The following PRR16 variants were observed in gnomAD, a reference collection of about 807,000 sequenced individuals.
PRR16 encodes the protein proline rich 16, also known as protein Largen.
PRR16 carries 6 observed loss-of-function variants against 18.2 expected under a neutral mutation model. The ratio of observed to expected loss-of-function variants is 0.33; its 90% CI spans 0.18 to 0.65. The LOEUF is 0.65. PRR16 is among the 30% of genes least tolerant of loss of function. PRR16 has a pLI of 0.74. For missense variants in PRR16, 412 were observed against 376.6 expected, an observed-to-expected ratio of 1.09 and a Z score of -0.78; for synonymous variants, 151 against 147.8, an observed-to-expected ratio of 1.02 and a Z score of -0.16.
At chr5:120,727,190 G>A in the PRR16 span, among the ~76,000 whole-genome samples, 2 of 151,980 alleles carry the variant, frequency 1.3e-5, no homozygotes, top group East Asian at 3.9e-4. Context: ...CTCAAGTTTT[G>A]TTTTTTCTTT....
chr5:120,711,670 C>T, the PRR16 span, among the ~76,000 whole-genome samples: 2 of 152,160 alleles, frequency 1.3e-5, no homozygotes, highest in African/African-American at 4.8e-5. Flanking sequence ...CTGAAGCTGC[C>T]TGAAGCTGTG....
At chr5:120,755,292 T>C in the PRR16 span, among the ~76,000 whole-genome samples, 1 of 152,100 alleles carries the variant, frequency 6.6e-6, no homozygotes, top group East Asian at 1.9e-4. Flanking sequence ...TGTGGATATA[T>C]TGCAAGATGC....
chr5:120,672,468 G>C lies in PRR16; in HGVS notation c.160-13486G>C, dbSNP rs573543333. 2.0e-5 allele frequency among the ~76,000 whole-genome samples: 3 copies of C among 150,084 alleles called. No homozygotes were observed. The East Asian group carries it at 6.0e-4, about 30-fold the overall frequency. ...CCTGGGAGTATTGTAGCTTTATTAA[G>C]TATTTCGTCTTTATCTTAAAAGCAA... On this transcript the variant is annotated intron_variant, in intron 1 of 1. Transcript: ENST00000407149.
intron 1 of PRR16, among the ~76,000 whole-genome samples, chr5:120,683,213 C>G (rs1353487927): frequency 6.6e-6 from 1 of 152,088 alleles, no homozygotes; most frequent in African/African-American, 2.4e-5. Context: ...ATTTTGTGAG[C>G]TGGTTGGTTG....
chr5:120,683,388 G>A (rs566241835), intron 1 of PRR16, among the ~76,000 whole-genome samples: 3 of 151,622 alleles, frequency 2.0e-5, no homozygotes, highest in East Asian at 3.9e-4. Flanking sequence ...TGTAATCCCA[G>A]CTACTTGGGA....
chr5:120,687,184 A>G lies in PRR16; in HGVS notation c.*475A>G, dbSNP rs1267437238. The stretch of plus-strand genomic sequence containing the variant: ...TTTTTCATTATTAAATGCTGAGGCC[A>G]ATACCAAGAAGTTTATTTTCTATAT... On this transcript the variant is annotated 3_prime_UTR_variant, in exon 2 of 2. Transcript: ENST00000407149. 1 of 152,608 alleles carries G rather than the reference A, an allele frequency of 6.6e-6. No homozygotes were observed. The highest frequency in any genetic ancestry group is 1.9e-4 in the East Asian group (1 of 5,200). The allele number at this position is 152,608 out of a possible 1,614,324, so 9.5% of individuals were successfully genotyped here. A position where few individuals can be genotyped will look rare whatever the true frequency, so the allele number is the denominator to read the frequency against.
chr5:120,540,966 C>T (rs1020733430), intron 1 of PRR16, among the ~76,000 whole-genome samples: 31 of 152,172 alleles, frequency 2.0e-4, no homozygotes, highest in Non-Finnish European at 4.1e-4. Flanking sequence ...TGGAACAGTG[C>T]CATGAGCATG....
chr5:120,712,711 G>T, the PRR16 span, among the ~76,000 whole-genome samples: 6 of 151,972 alleles, frequency 3.9e-5, no homozygotes, highest in African/African-American at 1.2e-4. Context: ...TATATGAAAA[G>T]GTGCTCAACA....
the PRR16 span, among the ~76,000 whole-genome samples, chr5:120,700,041 G>C: frequency 3.9e-5 from 6 of 152,092 alleles, no homozygotes; most frequent in African/African-American, 1.2e-4. Context: ...TGGGATGAAG[G>C]GTACAAAGCA....
chr5:120,617,225 A>G (rs1395412441), intron 1 of PRR16: 23 of 943,138 alleles, frequency 2.4e-5, no homozygotes, highest in South Asian at 4.9e-5. Flanking sequence ...GTTTGCAGGA[A>G]TTTGGACAGC....
chr5:120,677,750 T>G (rs1756845116), intron 1 of PRR16, among the ~76,000 whole-genome samples: 1 of 152,096 alleles, frequency 6.6e-6, no homozygotes, highest in African/African-American at 2.4e-5. Flanking sequence ...TTTGTTTTGT[T>G]CTTAAGGCAA....
rs1002864187 is a variant in PRR16, at chr5:120,534,455, A to T, written c.159+69810A>T. ...AATAGAAATGCTCATGTTAGACTTA[A>T]GTCTAACAACTGTTTTACACTCTAC... On this transcript the variant is annotated intron_variant, in intron 1 of 1. Coordinates refer to ENST00000407149, the MANE Select transcript of PRR16 (RefSeq NM_001300783.2). Among the ~76,000 whole-genome samples the T allele has an allele frequency of 3.9e-5, 6 of 152,198 alleles. No individual in the cohort carries two copies. In the East Asian group the frequency reaches 9.6e-4, roughly 24 times the overall value.
At chr5:120,789,173 CATT>C in the PRR16 span, among the ~76,000 whole-genome samples, 1 of 152,018 alleles carries the variant, frequency 6.6e-6, no homozygotes, top group African/African-American at 2.4e-5. Context: ...ATCAATTAAT[CATT>C]ATACTAGGTT....
chr5:120,706,349 G>A, the PRR16 span, among the ~76,000 whole-genome samples: 3 of 44,802 alleles, frequency 6.7e-5, no homozygotes, highest in East Asian at 1.6e-3. Context: ...TTTTCACTCC[G>A]TACTTGAAAT....
At chr5:120,590,266 T>G (rs567411904) in intron 1 of PRR16, among the ~76,000 whole-genome samples, 14 of 152,148 alleles carry the variant, frequency 9.2e-5, no homozygotes, top group Non-Finnish European at 1.8e-4. Flanking sequence ...CTCTTTCTTC[T>G]GAATGCCCAT....
intron 1 of PRR16, among the ~76,000 whole-genome samples, chr5:120,504,221 C>T (rs1750566580): frequency 6.6e-6 from 1 of 152,154 alleles, no homozygotes; most frequent in East Asian, 1.9e-4. Context: ...CTCTCTTCTT[C>T]CCTCTGCCCT....
At chr5:120,484,977 T>C (rs1200374078) in intron 1 of PRR16, among the ~76,000 whole-genome samples, 1 of 151,780 alleles carries the variant, frequency 6.6e-6, no homozygotes, top group African/African-American at 2.4e-5. Context: ...TCAATAAAAA[T>C]ACATATGATT....
the PRR16 span, among the ~76,000 whole-genome samples, chr5:120,780,891 A>AAT: frequency 1.3e-5 from 2 of 152,118 alleles, no homozygotes; most frequent in Admixed American, 6.5e-5. Flanking sequence ...CGCTACTAAA[A>AAT]ATACAAAAAT....
chr5:120,739,218 A>G, the PRR16 span, among the ~76,000 whole-genome samples: 1 of 152,176 alleles, frequency 6.6e-6, no homozygotes, highest in Non-Finnish European at 1.5e-5. Flanking sequence ...CTTTAATAGG[A>G]TGCTTATATA....
Sources: allele counts gnomAD v4.1 joint callset (sites outside exome capture counted in the v4.1 genomes callset), GRCh38; gene constraint gnomAD v4.1.1; transcripts MANE v1.5; gene names NCBI Gene and HGNC (gene_info 2026-07-23, HGNC 2026-07-21).